The following GYPB variants were observed in gnomAD, a reference collection of about 807,000 sequenced individuals.
The protein encoded by GYPB is glycophorin-B.
GYPB carries 13 observed loss-of-function variants against 15.3 expected under a neutral mutation model. The observed-to-expected ratio is 0.85, with a 90% confidence interval of 0.55 to 1.35. The LOEUF is 1.35. Ranked by LOEUF, GYPB falls within the 40% of genes most tolerant of loss-of-function variation. The probability of loss-of-function intolerance (pLI) is 0.00; values close to 1 mark genes in which losing one functional copy is unlikely to be tolerated. For synonymous variants in GYPB, 38 were observed against 36.9 expected, an observed-to-expected ratio of 1.03 and a Z score of -0.11; for missense variants, 131 against 108.3, an observed-to-expected ratio of 1.21 and a Z score of -0.93.
At chr4:144,002,282 CT>C (rs1293957047) in intron 1 of GYPB, among the ~76,000 whole-genome samples, 2 of 151,396 alleles carry the variant, frequency 1.3e-5, no homozygotes, top group Admixed American at 1.3e-4. Flanking sequence ...ATATAGCCAT[CT>C]GAACTTTTAG....
rs1579042093 is a variant in GYPB, at chr4:143,996,165, G to C, written c.*134C>G. On this transcript the variant is annotated 3_prime_UTR_variant, in exon 5 of 5. Transcript: ENST00000502664. The stretch of plus-strand genomic sequence containing the variant: ...AGAGAATACAGTAATAGTGAGGCAG[G>C]AGAACAGGGAATTAGGATAGCCAGG... 1.9e-5 allele frequency: 29 copies of C among 1,524,028 alleles called. No homozygotes were observed. The highest frequency in any genetic ancestry group is 2.5e-5 in the Non-Finnish European group (28 of 1,130,428). 94.4% of individuals were successfully genotyped at this position (1,524,028 alleles called of 1,614,324 possible). A position where few individuals can be genotyped will look rare whatever the true frequency, so the allele number is the denominator to read the frequency against.
At chr4:144,003,531 C>T (rs949208112) in intron 1 of GYPB, among the ~76,000 whole-genome samples, 15 of 151,514 alleles carry the variant, frequency 9.9e-5, no homozygotes, top group Middle Eastern at 3.4e-3. Flanking sequence ...GCTAACATCT[C>T]TTAAAATTGG....
chr4:144,011,489 G>T (rs548920208), intron 1 of GYPB, among the ~76,000 whole-genome samples: 12 of 151,252 alleles, frequency 7.9e-5, no homozygotes, highest in Non-Finnish European at 1.8e-4. Context: ...AGATTTACTT[G>T]TGTCATTAAG....
At chr4:144,001,671 G>A (rs1727633463) in intron 1 of GYPB, among the ~76,000 whole-genome samples, 1 of 151,124 alleles carries the variant, frequency 6.6e-6, no homozygotes, top group Non-Finnish European at 1.5e-5. Context: ...GACACATAAA[G>A]AGCATTACAT....
At chr4:144,014,353 A>G (rs1348362064) in intron 1 of GYPB, among the ~76,000 whole-genome samples, 1 of 151,834 alleles carries the variant, frequency 6.6e-6, no homozygotes, top group Non-Finnish European at 1.5e-5. Context: ...TTTTAATCAA[A>G]TGATGGATCG....
chr4:144,012,654 A>G (rs1291986713), intron 1 of GYPB: 8 of 151,594 alleles, frequency 5.3e-5, no homozygotes, highest in Non-Finnish European at 2.9e-5. Flanking sequence ...GAGACTCCAG[A>G]AATAAACTCA....
intron 1 of GYPB, among the ~76,000 whole-genome samples, chr4:144,014,223 T>C (rs1728373651): frequency 6.6e-6 from 1 of 151,872 alleles, no homozygotes; most frequent in Admixed American, 6.5e-5. Context: ...AAAATTACTA[T>C]GACCCAGCAA....
Position 143,996,190 on chromosome 4 carries a change from G to A in GYPB, c.*109C>T. ...GAGAACAGGGAATTAGGATAGCCAG[G>A]GGTAGGGGCATAAGCAAAGGAATAG... On this transcript the variant is annotated 3_prime_UTR_variant, in exon 5 of 5. Coordinates refer to ENST00000502664, the MANE Select transcript of GYPB (RefSeq NM_002100.6). 6.5e-7 allele frequency: 1 copy of A among 1,543,446 alleles called. No individual in the cohort carries two copies. Among genetic ancestry groups the A allele is most frequent in the African/African-American group, 1.4e-5 (1 of 71,510 alleles).
chr4:144,014,738 A>G (rs1189127425), intron 1 of GYPB, among the ~76,000 whole-genome samples: 1 of 151,478 alleles, frequency 6.6e-6, no homozygotes, highest in Non-Finnish European at 1.5e-5. Context: ...ATTAAATGCT[A>G]CCAATTGTAC....
intron 1 of GYPB, chr4:144,008,536 G>A: frequency 4.4e-6 from 2 of 454,598 alleles, no homozygotes; most frequent in Non-Finnish European, 8.8e-6. Context: ...TTCCAGCCAA[G>A]CATATTCCAA....
At chr4:144,011,824 A>G (rs1211705577) in intron 1 of GYPB, among the ~76,000 whole-genome samples, 5 of 151,148 alleles carry the variant, frequency 3.3e-5, no homozygotes, top group East Asian at 1.9e-4. Flanking sequence ...ATGTTTTTGA[A>G]GTCTGAATCT....
At position 143,996,251 on chromosome 4, in the gene GYPB, A is replaced by C; in HGVS notation, c.*48T>G. 1.9e-6 allele frequency: 3 copies of C among 1,550,430 alleles called. No individual in the cohort carries two copies. The highest frequency in any genetic ancestry group is 2.6e-6 in the Non-Finnish European group (3 of 1,146,810). On this transcript the variant is annotated 3_prime_UTR_variant, in exon 5 of 5. Coordinates refer to ENST00000502664, the MANE Select transcript of GYPB (RefSeq NM_002100.6). ...CAGTTTGCATAAACAAGAGAACAGC[A>C]GGTGCAGCCGGTTCTAGGCAAGATC...
chr4:144,013,917 TA>T (rs1237298223), intron 1 of GYPB, among the ~76,000 whole-genome samples: 40 of 146,822 alleles, frequency 2.7e-4, no homozygotes, highest in East Asian at 7.8e-4. Context: ...TAAAGTATAG[TA>T]AAAAAAAAAT....
intron 1 of GYPB, among the ~76,000 whole-genome samples, chr4:144,008,600 A>T (rs981240574): frequency 6.6e-6 from 1 of 151,426 alleles, no homozygotes; most frequent in Non-Finnish European, 1.5e-5. Flanking sequence ...GATTTCACAT[A>T]TTTTACCTGT....
intron 1 of GYPB, among the ~76,000 whole-genome samples, chr4:144,016,036 C>A (rs1299636388): frequency 7.0e-6 from 1 of 142,510 alleles, no homozygotes; most frequent in Non-Finnish European, 1.5e-5. Flanking sequence ...ACAGGTTTGG[C>A]TTTTCAAGAA....
intron 4 of GYPB, chr4:143,997,295 AC>A: frequency 2.7e-6 from 1 of 364,486 alleles, no homozygotes; most frequent in Non-Finnish European, 5.1e-6. Flanking sequence ...TTAGACAAAA[AC>A]TTAGGGAGAT....
chr4:144,004,857 G>A (rs1727813918), intron 1 of GYPB, among the ~76,000 whole-genome samples: 1 of 151,804 alleles, frequency 6.6e-6, no homozygotes, highest in Admixed American at 6.5e-5. Context: ...ATATCTGTGA[G>A]AAGCTGGTTT....
rs2667331 is a variant in GYPB, at chr4:144,000,532, C to A, written c.136+653G>T. 7.3e-5 allele frequency: 29 copies of A among 399,360 alleles called. No homozygotes were observed. In the Middle Eastern group the frequency reaches 2.2e-3, roughly 30 times the overall value. 24.7% of individuals were successfully genotyped at this position (399,360 alleles called of 1,614,324 possible). A position where few individuals can be genotyped will look rare whatever the true frequency, so the allele number is the denominator to read the frequency against. Reference sequence around the variant, plus strand: ...AGAATGAGGTGACTGCGTGGACATACAGCGTATCATGAAAGACAAATTCTC... The same window carrying A: ...AGAATGAGGTGACTGCGTGGACATAAAGCGTATCATGAAAGACAAATTCTC... On this transcript the variant is annotated intron_variant, in intron 2 of 4. Transcript: ENST00000502664.
intron 1 of GYPB, among the ~76,000 whole-genome samples, chr4:144,015,791 G>C (rs1446224912): frequency 6.6e-6 from 1 of 151,126 alleles, no homozygotes; most frequent in African/African-American, 2.5e-5. Context: ...GCTCATCTCA[G>C]GCTGAATTTT....
Sources: allele counts gnomAD v4.1 joint callset (sites outside exome capture counted in the v4.1 genomes callset), GRCh38; gene constraint gnomAD v4.1.1; transcripts MANE v1.5; gene names NCBI Gene and HGNC (gene_info 2026-07-23, HGNC 2026-07-21).